MACROD2: variants seen among roughly 807,000 people sequenced by gnomAD.
MACROD2 encodes the protein mono-ADP ribosylhydrolase 2.
A neutral mutation model predicts 70.4 loss-of-function variants in MACROD2; 36 were observed. That is an observed-to-expected ratio of 0.51 (90% CI 0.39 to 0.68). MACROD2 has a LOEUF of 0.68. Ranked by LOEUF, MACROD2 falls within the 30% of genes least tolerant of loss-of-function variation. The pLI is 0.00. For synonymous variants in MACROD2, 172 were observed against 178.8 expected (o/e 0.96, Z 0.30); for missense variants, 496 against 538.4 (o/e 0.92, Z 0.78).
At chr20:15,575,811 C>A (rs1470307216) in intron 8 of MACROD2, among the ~76,000 whole-genome samples, 1 of 152,134 alleles carries the variant, frequency 6.6e-6, no homozygotes, top group Non-Finnish European at 1.5e-5. Flanking sequence ...AATGTCTAAG[C>A]CTCTCAACAG....
chr20:14,351,452 G>T (rs970989687), intron 3 of MACROD2, among the ~76,000 whole-genome samples: 1 of 151,840 alleles, frequency 6.6e-6, no homozygotes, highest in Non-Finnish European at 1.5e-5. Context: ...TAATTGTACA[G>T]ATCTTTCACT....
intron 8 of MACROD2, among the ~76,000 whole-genome samples, chr20:15,599,740 C>T (rs993896154): frequency 1.3e-5 from 2 of 152,178 alleles, no homozygotes; most frequent in Non-Finnish European, 2.9e-5. Flanking sequence ...ATTCAGTTTA[C>T]ACACAGAAAC....
intron 3 of MACROD2, among the ~76,000 whole-genome samples, chr20:14,463,702 T>C (rs1196613959): frequency 6.6e-6 from 1 of 152,016 alleles, no homozygotes; most frequent in Non-Finnish European, 1.5e-5. Flanking sequence ...TTTTGAGATA[T>C]GTCCCATCAA....
intron 7 of MACROD2, among the ~76,000 whole-genome samples, chr20:15,461,798 T>C (rs1388942852): frequency 6.6e-6 from 1 of 152,156 alleles, no homozygotes; most frequent in Admixed American, 6.5e-5. Context: ...ACCCAGAAAC[T>C]TGGTGGCTTA....
chr20:15,185,647 G>A (rs2076529832), intron 5 of MACROD2, among the ~76,000 whole-genome samples: 1 of 152,098 alleles, frequency 6.6e-6, no homozygotes, highest in Admixed American at 6.6e-5. Context: ...GACTTAGATG[G>A]TCTGATAACA....
chr20:15,040,839 G>A (rs2123026068), intron 5 of MACROD2, among the ~76,000 whole-genome samples: 1 of 152,298 alleles, frequency 6.6e-6, no homozygotes, highest in East Asian at 1.9e-4. Context: ...TAGAGTCTTG[G>A]CTTTTAACAT....
At chr20:15,249,847 C>T (rs1298793232) in intron 6 of MACROD2, among the ~76,000 whole-genome samples, 1 of 152,188 alleles carries the variant, frequency 6.6e-6, no homozygotes, top group Admixed American at 6.5e-5. Context: ...ATTTGCACAG[C>T]GCCAACAGGA....
intron 3 of MACROD2, among the ~76,000 whole-genome samples, chr20:14,309,728 C>T (rs1194497952): frequency 1.3e-5 from 2 of 152,058 alleles, no homozygotes; most frequent in African/African-American, 4.8e-5. Flanking sequence ...TGTATTAACT[C>T]GTATCTTAAA....
At chr20:14,994,241 T>C (rs1027792165) in intron 5 of MACROD2, among the ~76,000 whole-genome samples, 16 of 152,048 alleles carry the variant, frequency 1.1e-4, no homozygotes, top group African/African-American at 3.9e-4. Context: ...TTACACTTCA[T>C]TGAATAAAAA....
At chr20:15,733,386 G>C (rs1323234684) in intron 8 of MACROD2, among the ~76,000 whole-genome samples, 1 of 151,666 alleles carries the variant, frequency 6.6e-6, no homozygotes, top group Non-Finnish European at 1.5e-5. Flanking sequence ...CTTTTTTCCA[G>C]GTTATTTCAG....
At chr20:14,037,727 T>C (rs947080925) in intron 2 of MACROD2, among the ~76,000 whole-genome samples, 1 of 152,038 alleles carries the variant, frequency 6.6e-6, no homozygotes, top group African/African-American at 2.4e-5. Flanking sequence ...ATTAAGACAT[T>C]GTTCCTTGCT....
At chr20:15,112,506 T>C (rs2075962463) in intron 5 of MACROD2, among the ~76,000 whole-genome samples, 2 of 152,200 alleles carry the variant, frequency 1.3e-5, no homozygotes, top group South Asian at 4.1e-4. Flanking sequence ...TTGGTCATTT[T>C]ATGTTCATTT....
chr20:14,424,002 T>C lies in MACROD2; in HGVS notation c.272-69477T>C, dbSNP rs888548410. 8.4e-4 allele frequency among the ~76,000 whole-genome samples: 128 copies of C among 151,902 alleles called. 1 individual carries two copies. The highest frequency in any genetic ancestry group is 2.8e-3 in the African/African-American group (115 of 41,544). On this transcript the variant is annotated intron_variant, in intron 3 of 17. Coordinates refer to ENST00000684519, the MANE Select transcript of MACROD2 (RefSeq NM_001351661.2). ...GTCTTGAACTCTCGACCTCAGGTGA[T>C]CCGCCCGCCTCAGCCTCCCAGACTG...
chr20:15,466,431 CA>C (rs1434130553), intron 7 of MACROD2, among the ~76,000 whole-genome samples: 1 of 152,148 alleles, frequency 6.6e-6, no homozygotes, highest in African/African-American at 2.4e-5. Flanking sequence ...TAAAAGAACA[CA>C]AGATGGTGTG....
chr20:14,292,784 G>A (rs948610107), intron 3 of MACROD2, among the ~76,000 whole-genome samples: 3 of 151,654 alleles, frequency 2.0e-5, no homozygotes, highest in Non-Finnish European at 4.4e-5. Context: ...ACAGGTGCCT[G>A]CCACCACGCC....
Position 15,731,943 on chromosome 20 carries a change from AC to A in MACROD2, c.646-130801del. On this transcript the variant is annotated intron_variant, in intron 8 of 17. Transcript: ENST00000684519. ...GCTATTTTTTGTATTTTTAGTAGAGACGGGGTTTCACCATGTTGGCCAGGCT... is the reference window on the plus strand; with the variant it reads ...GCTATTTTTTGTATTTTTAGTAGAGAGGGGTTTCACCATGTTGGCCAGGCT... Among the ~76,000 whole-genome samples the A allele has an allele frequency of 3.4e-5, 2 of 58,188 alleles. 1 individual carries two copies. The highest frequency in any genetic ancestry group is 5.5e-4 in the East Asian group (2 of 3,612). The allele number at this position is 58,188 out of a possible 152,430, so 38.2% of individuals were successfully genotyped here. A position where few individuals can be genotyped will look rare whatever the true frequency, so the allele number is the denominator to read the frequency against.
chr20:15,965,640 A>G (rs1365829517), intron 12 of MACROD2, among the ~76,000 whole-genome samples: 3 of 152,184 alleles, frequency 2.0e-5, no homozygotes, highest in Non-Finnish European at 2.9e-5. Context: ...TTTCAAATTT[A>G]AAATTTAGCC....
intron 8 of MACROD2, among the ~76,000 whole-genome samples, chr20:15,854,720 AC>A (rs1158375132): frequency 6.6e-6 from 1 of 151,990 alleles, no homozygotes; most frequent in Non-Finnish European, 1.5e-5. Flanking sequence ...GGACCCAGGC[AC>A]CCCAATTTCT....
At chr20:15,586,012 A>G (rs990830632) in intron 8 of MACROD2, among the ~76,000 whole-genome samples, 3 of 152,162 alleles carry the variant, frequency 2.0e-5, no homozygotes, top group Non-Finnish European at 4.4e-5. Context: ...AAAGTTTGTA[A>G]CAGACGAAAG....
Sources: allele counts gnomAD v4.1 joint callset (sites outside exome capture counted in the v4.1 genomes callset), GRCh38; gene constraint gnomAD v4.1.1; transcripts MANE v1.5; gene names NCBI Gene and HGNC (gene_info 2026-07-23, HGNC 2026-07-21).